The following ITGB4 variants were observed in gnomAD, a reference collection of about 807,000 sequenced individuals.
ITGB4 encodes integrin subunit beta 4.
In ITGB4, 159 loss-of-function variants were observed where a neutral mutation model predicts 207.6. The ratio of observed to expected loss-of-function variants is 0.77; its 90% CI spans 0.67 to 0.87. ITGB4 has a LOEUF of 0.87. Ranked by LOEUF, ITGB4 falls within the 40% of genes least tolerant of loss-of-function variation. ITGB4 has a pLI of 0.00. For missense variants in ITGB4, 2,278 were observed against 2,546.8 expected (o/e 0.89, Z 2.27); for synonymous variants, 1,020 against 1,062.7 (o/e 0.96, Z 0.78).
intron 30 of ITGB4, chr17:75,751,748 A>G: frequency 4.2e-6 from 1 of 239,212 alleles, no homozygotes. Flanking sequence ...CTAAAAATAA[A>G]TAAATAAAAA....
intron 23 of ITGB4, 147 bp downstream of exon 23, chr17:75,741,152 TC>T (rs746016976): frequency 2.0e-4 from 179 of 885,126 alleles, no homozygotes; most frequent in Non-Finnish European, 3.1e-4. Flanking sequence ...CTTCATTCGT[TC>T]CTTTGACCAT....
intron 34 of ITGB4, 146 bp downstream of exon 34, chr17:75,754,961 C>CGCAT: frequency 5.9e-6 from 9 of 1,531,546 alleles, no homozygotes; most frequent in South Asian, 2.3e-5. Flanking sequence ...CACGTGCACA[C>CGCAT]GCATGCACAC....
At chr17:75,733,996 C>T (rs189696585) in intron 13 of ITGB4, among the ~76,000 whole-genome samples, 2 of 152,278 alleles carry the variant, frequency 1.3e-5, no homozygotes, top group East Asian at 1.9e-4. Flanking sequence ...CCCACTTCTC[C>T]ACACCCCTAT....
chr17:75,749,530 A>G (rs901671715), intron 27 of ITGB4, among the ~76,000 whole-genome samples: 4 of 152,224 alleles, frequency 2.6e-5, no homozygotes, highest in African/African-American at 7.2e-5. Flanking sequence ...CTGTCCCCCA[A>G]GAAAAAATAA....
In ITGB4 at chr17:75,730,573, TCTCC is replaced by T. The variant is rs541924596; in HGVS notation, c.1002+96_1002+99del. 1.4e-3 allele frequency: 1,704 copies of T among 1,233,580 alleles called. 2 individuals carry two copies. The highest frequency in any genetic ancestry group is 3.2e-3 in the African/African-American group (189 of 59,548). 76.4% of individuals were successfully genotyped at this position (1,233,580 alleles called of 1,614,324 possible). ...GGGTCCATGGAGCTTCTCAGACACC[TCTCC>T]CTCCCTCCCTCCCTCCCTCCCTCCC... On this transcript the variant is annotated intron_variant, in intron 8 of 39. Coordinates refer to ENST00000200181, the MANE Select transcript of ITGB4 (RefSeq NM_000213.5).
chr17:75,756,695 T>G lies in ITGB4; in HGVS notation c.4898-9T>G, dbSNP rs2061513965. On this transcript the variant is annotated splice_polypyrimidine_tract_variant and intron_variant, in intron 36 of 39. Transcript: ENST00000200181. ...CCACAGGCTGATGCTCTTCCTCTAC[T>G]GCCCCCAGGCTCCGCCTTCACTTTG... 10 of 1,613,398 alleles carry G rather than the reference T, an allele frequency of 6.2e-6. No homozygotes were observed. The highest frequency in any genetic ancestry group is 7.6e-6 in the Non-Finnish European group (9 of 1,179,988).
At chr17:75,725,324 T>C (rs532197909) in intron 2 of ITGB4, among the ~76,000 whole-genome samples, 15 of 152,288 alleles carry the variant, frequency 9.8e-5, no homozygotes, top group African/African-American at 3.1e-4. Flanking sequence ...TAATTCAATG[T>C]ATATGTAGAA....
chr17:75,742,317 C>T lies in ITGB4; in HGVS notation c.2634-24C>T. On this transcript the variant is annotated intron_variant, in intron 23 of 39. Coordinates refer to ENST00000200181, the MANE Select transcript of ITGB4 (RefSeq NM_000213.5). This position sits in a 1 kb window ranked among gnomAD's most constrained non-coding sequence, Gnocchi z 5.9. ...GGTGCCAGCCTGACCCCTCCGCTGC[C>T]TGAACCTTCCACCCTCGACCCAGGC... is the stretch of plus-strand genomic sequence containing the variant. 1.2e-6 allele frequency: 2 copies of T among 1,613,130 alleles called. No homozygotes were observed. Among genetic ancestry groups the T allele is most frequent in the Non-Finnish European group, 1.7e-6 (2 of 1,180,000 alleles).
Position 75,730,957 on chromosome 17 carries a change from C to G in ITGB4, c.1085C>G (p.Ala362Gly), listed in dbSNP as rs531539918. 2.5e-6 allele frequency: 4 copies of G among 1,613,338 alleles called. No homozygotes were observed. The South Asian group carries it at 3.3e-5, about 13-fold the overall frequency. The change falls in exon 9 of 40, where the codon GCC becomes GGC. Residue 362 changes from alanine to glycine, a missense_variant. Transcript: ENST00000200181. Reference protein sequence around the residue: ...SSNIVELLEEAFNRIRSNLDI... With the variant: ...SSNIVELLEEGFNRIRSNLDI... ...AACATCGTGGAGCTGCTGGAGGAGGCCTTCAATGTGAGGGCAGCTCAGGCT... is the reference window on the plus strand; with the variant it reads ...AACATCGTGGAGCTGCTGGAGGAGGGCTTCAATGTGAGGGCAGCTCAGGCT...
intron 8 of ITGB4, 102 bp from the exon 9 acceptor site, chr17:75,730,773 G>A (rs975004582): frequency 2.3e-5 from 28 of 1,193,946 alleles, no homozygotes; most frequent in Admixed American, 6.7e-5. Flanking sequence ...CACCACAGTA[G>A]GTTCCAGGCC....
In ITGB4 at chr17:75,742,261, G is replaced by A; in HGVS notation, c.2634-80G>A. 2 of 1,573,024 alleles carry A rather than the reference G, an allele frequency of 1.3e-6. No homozygotes were observed. Among genetic ancestry groups the A allele is most frequent in the Non-Finnish European group, 8.7e-7 (1 of 1,146,994 alleles). On this transcript the variant is annotated intron_variant, in intron 23 of 39. Transcript: ENST00000200181. The surrounding 1 kb of genome is among the most constrained non-coding windows in gnomAD (Gnocchi z 5.9). ...TGTCTTACATCCTGGCCCCTGAAGGGGAGAAGACAGGCAGGAGGGACAGGG... is the reference window on the plus strand; with the variant it reads ...TGTCTTACATCCTGGCCCCTGAAGGAGAGAAGACAGGCAGGAGGGACAGGG...
At chr17:75,743,116 C>A (rs1225907632) in intron 25 of ITGB4, among the ~76,000 whole-genome samples, 1 of 152,172 alleles carries the variant, frequency 6.6e-6, no homozygotes, top group East Asian at 1.9e-4. Context: ...GGCCTCAGGC[C>A]TGTTCCTGCT....
intron 30 of ITGB4, 121 bp downstream of exon 30, chr17:75,751,232 C>T: frequency 8.4e-7 from 1 of 1,190,362 alleles, no homozygotes; most frequent in Non-Finnish European, 1.2e-6. Context: ...TCGAGGCCTT[C>T]ATCCTGGTCA....
chr17:75,755,014 A>G, intron 34 of ITGB4, 199 bp downstream of exon 34: 1 of 1,581,560 alleles, frequency 6.3e-7, no homozygotes, highest in Non-Finnish European at 8.6e-7. Flanking sequence ...ACATGCATGC[A>G]CACTCCCTGC....
rs1322824692 is a variant in ITGB4 at position 75,750,667 on chromosome 17, T to C, written c.3475-13T>C. The C allele has an allele frequency of 6.2e-7, 1 of 1,612,124 alleles. No individual in the cohort carries two copies. ...TGCTCCCTGCTGACCAGGACCCCTG[T>C]CCCTGGGGGTAGGTAAAGTACTGGA... On this transcript the variant is annotated splice_polypyrimidine_tract_variant and intron_variant, in intron 28 of 39. Transcript: ENST00000200181. The surrounding 1 kb of genome is among the most constrained non-coding windows in gnomAD (Gnocchi z 5.5).
intron 13 of ITGB4, among the ~76,000 whole-genome samples, chr17:75,735,400 CTTTTTTCTTTTCTTT>C (rs1568355600): frequency 7.4e-6 from 1 of 135,634 alleles, no homozygotes; most frequent in Non-Finnish European, 1.6e-5. Context: ...AGTTTTATTT[CTTTTTTCTTTTCTTT>C]TTTTTTTTTT....
At chr17:75,753,676 C>T in intron 32 of ITGB4, 89 bp from the exon 33 acceptor site, 1 of 875,338 alleles carries the variant, frequency 1.1e-6, no homozygotes, top group Admixed American at 4.3e-5. Context: ...GACGGGCTCC[C>T]CTCGCAGAGC....
intron 26 of ITGB4, among the ~76,000 whole-genome samples, chr17:75,747,208 G>C (rs1267592746): frequency 6.6e-6 from 1 of 152,170 alleles, no homozygotes; most frequent in Non-Finnish European, 1.5e-5. Context: ...GCCAGGCGTG[G>C]TGGCTCACAC....
In ITGB4 at chr17:75,757,691, T is replaced by C. The variant is rs762898258; in HGVS notation, c.*136T>C. 1.6e-6 allele frequency: 2 copies of C among 1,252,482 alleles called. No individual in the cohort carries two copies. Among genetic ancestry groups the C allele is most frequent in the Non-Finnish European group, 2.3e-6 (2 of 869,492 alleles). 77.6% of individuals were successfully genotyped at this position (1,252,482 alleles called of 1,614,324 possible). On this transcript the variant is annotated 3_prime_UTR_variant, in exon 40 of 40. Coordinates refer to ENST00000200181, the MANE Select transcript of ITGB4 (RefSeq NM_000213.5). ...ATGCACAGAGCAGGGGCTAGGTGTC[T>C]CCTGGGAGGCATGAAGGGGGCAAGG...
Sources: allele counts gnomAD v4.1 joint callset (sites outside exome capture counted in the v4.1 genomes callset), GRCh38; gene constraint gnomAD v4.1.1; non-coding constraint Gnocchi (gnomAD v3.1); transcripts MANE v1.5; gene names NCBI Gene and HGNC (gene_info 2026-07-23, HGNC 2026-07-21).